Variants in ADGRL3 observed in about 807,000 individuals in gnomAD.
The protein encoded by ADGRL3 is adhesion G protein-coupled receptor L3.
A neutral mutation model predicts 153.5 loss-of-function variants in ADGRL3; 62 were observed. That is an observed-to-expected ratio of 0.40 (90% CI 0.33 to 0.50). The LOEUF (loss-of-function observed/expected upper bound fraction) is 0.50, where lower values mean the gene tolerates loss of function less well. Among genes scored for constraint, ADGRL3 ranks in the 20% least tolerant of loss-of-function variants. The pLI is 0.47. For synonymous variants in ADGRL3, 710 were observed against 672.5 expected, an observed-to-expected ratio of 1.06 and a Z score of -0.86; for missense variants, 1,641 against 1,859.4, an observed-to-expected ratio of 0.88 and a Z score of 2.16.
At position 62,057,023 on chromosome 4, in the gene ADGRL3, A is replaced by G. The variant is rs558935206; in HGVS notation, c.3815-11143A>G. Among the ~76,000 whole-genome samples the G allele has an allele frequency of 6.0e-4, 91 of 152,034 alleles. 1 individual carries two copies. The highest frequency in any genetic ancestry group is 1.6e-3 in the Admixed American group (24 of 15,228). On this transcript the variant is annotated intron_variant, in intron 25 of 26. Coordinates refer to ENST00000683033, the MANE Select transcript of ADGRL3 (RefSeq NM_001387552.1). ...GATCAAACAAGAATGTAAGTGCATT[A>G]AAAAAAATAAAGTCTGAGGGCAGAG... is the stretch of plus-strand genomic sequence containing the variant.
intron 8 of ADGRL3, among the ~76,000 whole-genome samples, chr4:61,767,766 G>C (rs1015833229): frequency 6.6e-6 from 1 of 152,192 alleles, no homozygotes; most frequent in African/African-American, 2.4e-5. Context: ...GTTCCTGGGG[G>C]AGGAGGTTCT....
chr4:61,647,557 C>T (rs2094073679), intron 5 of ADGRL3, among the ~76,000 whole-genome samples: 1 of 152,004 alleles, frequency 6.6e-6, no homozygotes, highest in Non-Finnish European at 1.5e-5. Context: ...TAGCCTTTTC[C>T]TGGTAGGCGT....
At chr4:61,880,883 CT>C (rs755960457) in intron 9 of ADGRL3, among the ~76,000 whole-genome samples, 4 of 151,962 alleles carry the variant, frequency 2.6e-5, no homozygotes, top group Non-Finnish European at 5.9e-5. Context: ...TTCAGTGAGT[CT>C]CATTATTAGA....
At chr4:61,936,435 A>T (rs899224734) in intron 15 of ADGRL3, among the ~76,000 whole-genome samples, 4 of 152,060 alleles carry the variant, frequency 2.6e-5, no homozygotes, top group Non-Finnish European at 5.9e-5. Flanking sequence ...TTTTTTGGTT[A>T]TTCAGCTTCT....
intron 2 of ADGRL3, among the ~76,000 whole-genome samples, chr4:61,430,400 G>A (rs2097341650): frequency 6.6e-6 from 1 of 152,080 alleles, no homozygotes. Flanking sequence ...GATTGGTATA[G>A]AGAATAAAAT....
intron 9 of ADGRL3, among the ~76,000 whole-genome samples, chr4:61,878,652 T>C (rs1388701859): frequency 2.6e-5 from 4 of 152,216 alleles, no homozygotes; most frequent in African/African-American, 9.6e-5. Context: ...AAATCAAGAT[T>C]GTTGATGTTA....
chr4:61,730,282 C>T (rs368628916), intron 6 of ADGRL3, among the ~76,000 whole-genome samples: 11 of 151,882 alleles, frequency 7.2e-5, no homozygotes, highest in African/African-American at 1.2e-4. Flanking sequence ...GTATAATTGC[C>T]GACCTGCCTT....
At chr4:61,636,262 A>G (rs1042932701) in intron 5 of ADGRL3, among the ~76,000 whole-genome samples, 7 of 152,208 alleles carry the variant, frequency 4.6e-5, no homozygotes, top group East Asian at 3.9e-4. Flanking sequence ...GCAGGAAAAT[A>G]TAATCCTTTG....
At chr4:61,992,612 C>T (rs2099107388) in intron 19 of ADGRL3, among the ~76,000 whole-genome samples, 1 of 152,170 alleles carries the variant, frequency 6.6e-6, no homozygotes, top group East Asian at 1.9e-4. Context: ...CCCAGCAGCC[C>T]TCATGGAGGG....
intron 17 of ADGRL3, among the ~76,000 whole-genome samples, chr4:61,950,887 C>G (rs1311504765): frequency 6.6e-6 from 1 of 152,120 alleles, no homozygotes; most frequent in Non-Finnish European, 1.5e-5. Context: ...ATTCTTGGAG[C>G]CATGTTTTGT....
chr4:61,762,818 A>C (rs904067419), intron 8 of ADGRL3, among the ~76,000 whole-genome samples: 9 of 152,144 alleles, frequency 5.9e-5, no homozygotes, highest in Non-Finnish European at 7.4e-5. Context: ...GAAAACTATC[A>C]TTCTGGTTTT....
chr4:61,379,489 C>T (rs1157848965), intron 1 of ADGRL3, among the ~76,000 whole-genome samples: 1 of 152,006 alleles, frequency 6.6e-6, no homozygotes, highest in Non-Finnish European at 1.5e-5. Context: ...ATTTCTCTAA[C>T]TCGTTGTATT....
intron 9 of ADGRL3, among the ~76,000 whole-genome samples, chr4:61,841,323 A>C (rs1374087072): frequency 1.3e-5 from 2 of 152,060 alleles, no homozygotes; most frequent in African/African-American, 2.4e-5. Context: ...TTTGCATATA[A>C]ATTAGGTCAT....
intron 25 of ADGRL3, among the ~76,000 whole-genome samples, chr4:62,060,667 T>C (rs1030584448): frequency 6.6e-5 from 10 of 151,970 alleles, no homozygotes; most frequent in African/African-American, 2.4e-4. Context: ...AATCCTCTTA[T>C]TAATCTTAAA....
intron 2 of ADGRL3, among the ~76,000 whole-genome samples, chr4:61,432,568 C>CTTTCTTTCTTTCTTTCTTTTTCTT (rs778720002): frequency 5.2e-5 from 2 of 38,370 alleles, no homozygotes; most frequent in Non-Finnish European, 1.5e-4. Context: ...TCTTTTCTTT[C>CTTTCTTTCTTTCTTTCTTTTTCTT]TCTTCCTTTC....
At chr4:61,534,173 G>T (rs961265115) in intron 4 of ADGRL3, among the ~76,000 whole-genome samples, 2 of 152,098 alleles carry the variant, frequency 1.3e-5, no homozygotes, top group African/African-American at 2.4e-5. Context: ...TGGCTAGCCA[G>T]CTTTCCCAGC....
chr4:62,014,027 G>C (rs1328234152), intron 21 of ADGRL3, among the ~76,000 whole-genome samples: 6 of 152,020 alleles, frequency 3.9e-5, no homozygotes, highest in African/African-American at 1.5e-4. Context: ...TAGTATCTGG[G>C]CTGGTCATGG....
intron 4 of ADGRL3, among the ~76,000 whole-genome samples, chr4:61,558,584 A>G (rs1455123468): frequency 1.3e-5 from 2 of 151,834 alleles, no homozygotes; most frequent in Non-Finnish European, 2.9e-5. Context: ...TGATCTGTCT[A>G]TATAACATCT....
intron 9 of ADGRL3, among the ~76,000 whole-genome samples, chr4:61,821,297 A>G (rs1308909804): frequency 2.6e-5 from 4 of 151,696 alleles, no homozygotes; most frequent in Non-Finnish European, 5.9e-5. Context: ...CAATTATTGA[A>G]TATATTCCAC....
Sources: allele counts gnomAD v4.1 joint callset (sites outside exome capture counted in the v4.1 genomes callset), GRCh38; gene constraint gnomAD v4.1.1; transcripts MANE v1.5; gene names NCBI Gene and HGNC (gene_info 2026-07-23, HGNC 2026-07-21).